Variants in EHBP1 observed in about 807,000 individuals in gnomAD.
The protein encoded by EHBP1 is EH domain-binding protein 1.
In EHBP1, 55 loss-of-function variants were observed where a neutral mutation model predicts 144.0. The observed-to-expected ratio is 0.38, with a 90% confidence interval of 0.31 to 0.48. The LOEUF is 0.48. Among genes scored for constraint, EHBP1 ranks in the 20% least tolerant of loss-of-function variants. EHBP1 has a pLI of 0.98. For synonymous variants in EHBP1, 469 were observed against 472.7 expected (o/e 0.99, Z 0.10); for missense variants, 1,200 against 1,364.2 (o/e 0.88, Z 1.90).
intron 5 of EHBP1, among the ~76,000 whole-genome samples, chr2:62,777,591 G>T (rs535727935): frequency 6.6e-6 from 1 of 151,658 alleles, no homozygotes; most frequent in Admixed American, 6.6e-5. Context: ...TTGTTTGTTT[G>T]TTTGTTTTGC....
intron 5 of EHBP1, among the ~76,000 whole-genome samples, chr2:62,784,316 T>A (rs748326865): frequency 6.6e-6 from 1 of 152,228 alleles, no homozygotes; most frequent in African/African-American, 2.4e-5. Flanking sequence ...AGGAGACCAT[T>A]GTTCTACTTA....
At chr2:62,826,345 A>G in intron 6 of EHBP1, 77 bp downstream of exon 6, 2 of 1,316,990 alleles carry the variant, frequency 1.5e-6, no homozygotes, top group South Asian at 1.7e-5. Flanking sequence ...TAGACTGGCA[A>G]TAGTTGAACA....
At chr2:62,762,788 T>C (rs1293461301) in intron 3 of EHBP1, among the ~76,000 whole-genome samples, 1 of 152,054 alleles carries the variant, frequency 6.6e-6, no homozygotes, top group East Asian at 1.9e-4. Flanking sequence ...CCTGTTTCTC[T>C]CTTATGTTTG....
At chr2:62,766,626 C>T (rs1273188620) in intron 4 of EHBP1, among the ~76,000 whole-genome samples, 1 of 152,130 alleles carries the variant, frequency 6.6e-6, no homozygotes, top group Non-Finnish European at 1.5e-5. Flanking sequence ...TGTGACCCCA[C>T]TACTTTTCTC....
chr2:62,710,275 C>G (rs1182328893), intron 2 of EHBP1, among the ~76,000 whole-genome samples: 1 of 151,968 alleles, frequency 6.6e-6, no homozygotes, highest in African/African-American at 2.4e-5. Context: ...AAATTAAATT[C>G]TGGTAAAAGC....
At chr2:62,772,561 C>T (rs1454507069) in intron 5 of EHBP1, among the ~76,000 whole-genome samples, 1 of 152,220 alleles carries the variant, frequency 6.6e-6, no homozygotes, top group Non-Finnish European at 1.5e-5. Flanking sequence ...GAAAATAATA[C>T]AGATGACAGG....
chr2:62,764,617 C>T (rs2041032692), intron 4 of EHBP1, among the ~76,000 whole-genome samples: 1 of 152,078 alleles, frequency 6.6e-6, no homozygotes, highest in Admixed American at 6.6e-5. Flanking sequence ...ACACTCTACC[C>T]ACAGAAAACT....
At chr2:62,951,405 T>A (rs2057373440) in intron 13 of EHBP1, among the ~76,000 whole-genome samples, 1 of 152,102 alleles carries the variant, frequency 6.6e-6, no homozygotes, top group Non-Finnish European at 1.5e-5. Context: ...TAAATCTCTC[T>A]GAAAGCTTTC....
At chr2:62,933,196 CTA>C (rs1380214853) in intron 10 of EHBP1, among the ~76,000 whole-genome samples, 2 of 151,572 alleles carry the variant, frequency 1.3e-5, no homozygotes, top group Admixed American at 6.6e-5. Context: ...TGAAAAATGA[CTA>C]TATTTTTCAA....
At chr2:62,705,559 C>G (rs1378237973), upstream of EHBP1, 2 of 152,122 alleles carry the variant, frequency 1.3e-5, no homozygotes, top group Non-Finnish European at 2.9e-5. Context: ...ACCTCCCGAG[C>G]AAGGGCAAGG....
At chr2:62,792,448 T>G (rs1300111715) in intron 5 of EHBP1, among the ~76,000 whole-genome samples, 1 of 152,062 alleles carries the variant, frequency 6.6e-6, no homozygotes, top group Non-Finnish European at 1.5e-5. Flanking sequence ...TCTTTTTTGT[T>G]TAGTTTTGGA....
rs538222445 is a variant in EHBP1 at position 63,038,909 on chromosome 2, G to C, written c.3277+93G>C. The C allele has an allele frequency of 2.5e-6, 3 of 1,222,642 alleles. No homozygotes were observed. In the South Asian group the frequency reaches 3.9e-5, roughly 16 times the overall value. 75.7% of individuals were successfully genotyped at this position (1,222,642 alleles called of 1,614,324 possible). A position where few individuals can be genotyped will look rare whatever the true frequency, so the allele number is the denominator to read the frequency against. ...TACACTTCTGGTCTTACTAGATCTGGTGTACTAGGGACCTTCCGGAATTGC... is the reference window on the plus strand; with the variant it reads ...TACACTTCTGGTCTTACTAGATCTGCTGTACTAGGGACCTTCCGGAATTGC... On this transcript the variant is annotated intron_variant, in intron 21 of 22. Transcript: ENST00000431489.
Position 62,993,855 on chromosome 2 carries a change from C to A in EHBP1, c.2873-16C>A, listed in dbSNP as rs2059521324. On this transcript the variant is annotated splice_polypyrimidine_tract_variant and intron_variant, in intron 17 of 22. Coordinates refer to ENST00000431489, the MANE Select transcript of EHBP1 (RefSeq NM_001142616.3). ...TTTACAATAATTTTACATGTCTTTC[C>A]TCTTTTTTTTTTAAGAGATGAAAAG... 2 of 1,509,242 alleles carry A rather than the reference C, an allele frequency of 1.3e-6. No individual in the cohort carries two copies. Among genetic ancestry groups the A allele is most frequent in the Non-Finnish European group, 1.8e-6 (2 of 1,126,234 alleles). The allele number at this position is 1,509,242 out of a possible 1,614,324, so 93.5% of individuals were successfully genotyped here.
rs140013749 is a variant in EHBP1, at chr2:62,952,800, C to T, written c.2317-2717C>T. Among the ~76,000 whole-genome samples, 159 of 152,228 alleles carry T rather than the reference C, an allele frequency of 1.0e-3. 2 individuals are homozygous for T. In the East Asian group the frequency reaches 0.021, roughly 20 times the overall value. On this transcript the variant is annotated intron_variant, in intron 13 of 22. Coordinates refer to ENST00000431489, the MANE Select transcript of EHBP1 (RefSeq NM_001142616.3). ...TACCATAATAGCATTAAAAAATAAT[C>T]GTAGCCCAAATATAATGTGGTCAAC...
intron 3 of EHBP1, among the ~76,000 whole-genome samples, chr2:62,749,435 G>A (rs2039465992): frequency 6.6e-6 from 1 of 152,122 alleles, no homozygotes; most frequent in African/African-American, 2.4e-5. Context: ...GAATAGTGCT[G>A]CAGTAAACAT....
At chr2:62,973,895 G>T (rs2058601462) in intron 14 of EHBP1, among the ~76,000 whole-genome samples, 1 of 152,096 alleles carries the variant, frequency 6.6e-6, no homozygotes. Context: ...GCTACTCGGG[G>T]TGGTGGCAGG....
intron 11 of EHBP1, 109 bp from the exon 12 acceptor site, chr2:62,943,693 G>A (rs532575809): frequency 1.8e-6 from 1 of 563,304 alleles, no homozygotes; most frequent in South Asian, 3.9e-5. Context: ...TGAAATTGCT[G>A]GTTACTCTTT....
At chr2:62,802,203 G>A (rs887685161) in intron 5 of EHBP1, among the ~76,000 whole-genome samples, 9 of 152,210 alleles carry the variant, frequency 5.9e-5, no homozygotes, top group Non-Finnish European at 1.0e-4. Context: ...GGTTCTCAAT[G>A]AATGTAGTGG....
intron 6 of EHBP1, among the ~76,000 whole-genome samples, chr2:62,828,557 A>G (rs1275556221): frequency 6.6e-6 from 1 of 152,142 alleles, no homozygotes; most frequent in Non-Finnish European, 1.5e-5. Flanking sequence ...TCCTGCTATA[A>G]TAGTTTCTTA....
Sources: allele counts gnomAD v4.1 joint callset (sites outside exome capture counted in the v4.1 genomes callset), GRCh38; gene constraint gnomAD v4.1.1; transcripts MANE v1.5; gene names NCBI Gene and HGNC (gene_info 2026-07-23, HGNC 2026-07-21).